Variants in KCNH8 observed in about 807,000 individuals in gnomAD.
KCNH8 encodes the protein potassium voltage-gated channel subfamily H member 8, also known as voltage-gated delayed rectifier potassium channel KCNH8.
KCNH8 carries 70 observed loss-of-function variants against 103.6 expected under a neutral mutation model. The ratio of observed to expected loss-of-function variants is 0.68; its 90% CI spans 0.56 to 0.82. The LOEUF is 0.82. Ranked by LOEUF, KCNH8 falls within the 40% of genes least tolerant of loss-of-function variation. The pLI, the probability that KCNH8 is intolerant of heterozygous loss-of-function variation, is 0.00. For synonymous variants in KCNH8, 498 were observed against 489.4 expected (o/e 1.02, Z -0.23); for missense variants, 1,217 against 1,329.9 (o/e 0.92, Z 1.32).
intron 1 of KCNH8, among the ~76,000 whole-genome samples, chr3:19,149,621 G>C (rs2063109541): frequency 6.6e-6 from 1 of 152,132 alleles, no homozygotes; most frequent in African/African-American, 2.4e-5. Context: ...GGCTTTTCAA[G>C]CTCTCTACTT....
intron 2 of KCNH8, among the ~76,000 whole-genome samples, chr3:19,254,927 C>G (rs139469728): frequency 1.3e-5 from 2 of 152,224 alleles, no homozygotes; most frequent in African/African-American, 4.8e-5. Context: ...AATTTATCTC[C>G]TTTCCCTTTC....
intron 11 of KCNH8, among the ~76,000 whole-genome samples, chr3:19,498,929 T>C (rs1174707540): frequency 6.6e-6 from 1 of 152,154 alleles, no homozygotes; most frequent in Non-Finnish European, 1.5e-5. Flanking sequence ...GAGGAGGCAG[T>C]CTGCCCGTTC....
chr3:19,201,462 C>G (rs1193534499), intron 1 of KCNH8, among the ~76,000 whole-genome samples: 1 of 151,946 alleles, frequency 6.6e-6, no homozygotes, highest in Non-Finnish European at 1.5e-5. Context: ...TCCAAGGATG[C>G]TGTATGTCCG....
chr3:19,469,968 C>T (rs1294619022), intron 11 of KCNH8, among the ~76,000 whole-genome samples: 1 of 152,046 alleles, frequency 6.6e-6, no homozygotes, highest in African/African-American at 2.4e-5. Context: ...CCCTTGTAAC[C>T]CTGAAGTTCT....
chr3:19,151,761 A>T (rs1222546370), intron 1 of KCNH8, among the ~76,000 whole-genome samples: 1 of 151,950 alleles, frequency 6.6e-6, no homozygotes, highest in Non-Finnish European at 1.5e-5. Flanking sequence ...ATATTTAAAA[A>T]GTGAGGTCTG....
At chr3:19,408,428 A>G (rs1268661027) in intron 7 of KCNH8, among the ~76,000 whole-genome samples, 1 of 152,184 alleles carries the variant, frequency 6.6e-6, no homozygotes, top group Non-Finnish European at 1.5e-5. Flanking sequence ...AGAAGGAACC[A>G]AAACAAGAAT....
At chr3:19,250,159 A>G (rs2064257653) in intron 1 of KCNH8, among the ~76,000 whole-genome samples, 1 of 152,074 alleles carries the variant, frequency 6.6e-6, no homozygotes, top group African/African-American at 2.4e-5. Flanking sequence ...CAGCTACTCT[A>G]GTGGCTGAGG....
chr3:19,341,868 T>G (rs1340742925), intron 3 of KCNH8, among the ~76,000 whole-genome samples: 1 of 152,112 alleles, frequency 6.6e-6, no homozygotes, highest in African/African-American at 2.4e-5. Flanking sequence ...AGAATGAAAT[T>G]TGGAATATGT....
At chr3:19,163,595 A>C (rs2063254954) in intron 1 of KCNH8, among the ~76,000 whole-genome samples, 1 of 152,134 alleles carries the variant, frequency 6.6e-6, no homozygotes, top group African/African-American at 2.4e-5. Context: ...TTATCTTCTG[A>C]GGTAGATTGA....
Position 19,229,928 on chromosome 3 carries a change from A to G in KCNH8, c.77-23726A>G, listed in dbSNP as rs147688848. Among the ~76,000 whole-genome samples the G allele has an allele frequency of 8.9e-4, 136 of 152,218 alleles. 2 individuals carry two copies. In the East Asian group the frequency reaches 0.022, roughly 24 times the overall value. ...CAATTTACTGTATTAGTCTATTTTC[A>G]TGCTGCTGATAAAGACATACCTGAG... On this transcript the variant is annotated intron_variant, in intron 1 of 15. Transcript: ENST00000328405.
At chr3:19,249,057 A>G (rs1240989953) in intron 1 of KCNH8, among the ~76,000 whole-genome samples, 6 of 152,220 alleles carry the variant, frequency 3.9e-5, no homozygotes, top group Non-Finnish European at 8.8e-5. Context: ...AAAATTACCT[A>G]GAAACAAGCA....
chr3:19,228,171 C>A (rs1459489220), intron 1 of KCNH8, among the ~76,000 whole-genome samples: 1 of 152,050 alleles, frequency 6.6e-6, no homozygotes, highest in East Asian at 1.9e-4. Flanking sequence ...AACAGGTGAG[C>A]TAAGAACAAT....
chr3:19,376,228 G>A (rs536791174), intron 5 of KCNH8, among the ~76,000 whole-genome samples: 1 of 152,126 alleles, frequency 6.6e-6, no homozygotes, highest in South Asian at 2.1e-4. Flanking sequence ...TGATCTCAGA[G>A]TGCTGTGCTA....
At chr3:19,496,189 T>C (rs1050778066) in intron 11 of KCNH8, among the ~76,000 whole-genome samples, 3 of 152,092 alleles carry the variant, frequency 2.0e-5, no homozygotes, top group Non-Finnish European at 2.9e-5. Context: ...CTTTTATTTC[T>C]TTCTCTTGCC....
rs1322374634 is a variant in KCNH8, at chr3:19,533,452, C to T, written c.2677C>T (p.Gln893Ter). 6.2e-7 allele frequency: 1 copy of T among 1,614,118 alleles called. No individual in the cohort carries two copies. Among genetic ancestry groups the T allele is most frequent in the East Asian group, 2.2e-5 (1 of 44,848 alleles). Residue 893 changes from glutamine (Q) to a stop codon, truncating the protein, a stop_gained, in exon 16 of 16, where the codon CAG becomes TAG. Transcript: ENST00000328405. LOFTEE classifies it high-confidence loss of function. ...QLGKDMRNVI[Q>*]LLENVLSPQQ... ...GGGTAAAGACATGAGAAATGTGATCCAGCTTCTGGAAAACGTTCTGTCACC... is the reference window on the plus strand; with the variant it reads ...GGGTAAAGACATGAGAAATGTGATCTAGCTTCTGGAAAACGTTCTGTCACC...
chr3:19,388,082 T>C (rs1232379113), intron 5 of KCNH8, among the ~76,000 whole-genome samples: 2 of 152,142 alleles, frequency 1.3e-5, no homozygotes, highest in Admixed American at 1.3e-4. Context: ...GCTGCTGGAA[T>C]GTATATGGAT....
Position 19,512,963 on chromosome 3 carries a change from G to A in KCNH8, c.2080-7G>A. ...TCTGTACTAATTTATATTATCCACT[G>A]ATTTAGTCAGAGCCCAAGGGAAATG... On this transcript the variant is annotated splice_region_variant and splice_polypyrimidine_tract_variant and intron_variant, in intron 12 of 15. Coordinates refer to ENST00000328405, the MANE Select transcript of KCNH8 (RefSeq NM_144633.3). 6.2e-7 allele frequency: 1 copy of A among 1,607,510 alleles called. No individual in the cohort carries two copies. Among genetic ancestry groups the A allele is most frequent in the Non-Finnish European group, 8.5e-7 (1 of 1,176,800 alleles).
rs2064861256 is a variant in KCNH8, at chr3:19,288,181, C to CTTTTTTTTTTTCTTTTTTTTTTTTTTT, written c.442+6863_442+6864insCTTTTTTTTTTTTTTTTTTTTTTTTTT. ...CTTCTTGCACCGGTGTATCAAACTT[C>CTTTTTTTTTTTCTTTTTTTTTTTTTTT]TTTTTTTTTTTTTTTTTTTTTTTTT... On this transcript the variant is annotated intron_variant, in intron 3 of 15. Transcript: ENST00000328405. Among the ~76,000 whole-genome samples the CTTTTTTTTTTTCTTTTTTTTTTTTTTT allele has an allele frequency of 8.6e-4, 33 of 38,160 alleles. 1 individual carries two copies. Among genetic ancestry groups the CTTTTTTTTTTTCTTTTTTTTTTTTTTT allele is most frequent in the African/African-American group, 3.0e-3 (31 of 10,378 alleles). The allele number at this position is 38,160 out of a possible 152,430, so 25.0% of individuals were successfully genotyped here. A position where few individuals can be genotyped will look rare whatever the true frequency, so the allele number is the denominator to read the frequency against.
intron 12 of KCNH8, among the ~76,000 whole-genome samples, chr3:19,511,959 A>C (rs1018400318): frequency 2.6e-5 from 4 of 152,204 alleles, no homozygotes; most frequent in East Asian, 1.9e-4. Flanking sequence ...ACACCAAAAA[A>C]AACAACTATT....
Sources: allele counts gnomAD v4.1 joint callset (sites outside exome capture counted in the v4.1 genomes callset), GRCh38; gene constraint gnomAD v4.1.1; transcripts MANE v1.5; gene names NCBI Gene and HGNC (gene_info 2026-07-23, HGNC 2026-07-21).